The following TESC variants were observed in gnomAD, a reference collection of about 807,000 sequenced individuals.
TESC encodes the protein calcineurin B homologous protein 3.
Under a neutral mutation model 31.0 loss-of-function variants are expected in TESC, and 19 were observed. The observed-to-expected ratio is 0.61, with a 90% CI of 0.43 to 0.90. The LOEUF is 0.90. Among genes scored for constraint, TESC ranks in the 40% least tolerant of loss-of-function variants. The pLI is 0.00. For synonymous variants in TESC, 109 were observed against 114.8 expected, an observed-to-expected ratio of 0.95 and a Z score of 0.32; for missense variants, 248 against 303.8, an observed-to-expected ratio of 0.82 and a Z score of 1.36.
At chr12:117,041,335 G>C (rs568228135) in intron 7 of TESC, among the ~76,000 whole-genome samples, 43 of 152,186 alleles carry the variant, frequency 2.8e-4, no homozygotes, top group African/African-American at 9.4e-4. Flanking sequence ...AACTACAACA[G>C]GGCCTTTTTT....
At chr12:117,098,873 G>A (rs1416216933) in intron 1 of TESC, among the ~76,000 whole-genome samples, 1 of 152,160 alleles carries the variant, frequency 6.6e-6, no homozygotes, top group Non-Finnish European at 1.5e-5. Flanking sequence ...CAGGTGTGGG[G>A]CGCGCGCGCC....
intron 1 of TESC, among the ~76,000 whole-genome samples, chr12:117,076,878 A>AT (rs1297579881): frequency 6.6e-6 from 1 of 152,204 alleles, no homozygotes; most frequent in Non-Finnish European, 1.5e-5. Context: ...AAGAAGTAAT[A>AT]TCGCCTGTCT....
chr12:117,068,676 T>TC (rs1954920044), intron 2 of TESC, among the ~76,000 whole-genome samples: 1 of 152,174 alleles, frequency 6.6e-6, no homozygotes, highest in African/African-American at 2.4e-5. Flanking sequence ...CCCTTTTTTT[T>TC]CTCTTCCCTG....
chr12:117,065,079 A>G (rs1954856835), intron 2 of TESC, among the ~76,000 whole-genome samples: 1 of 152,206 alleles, frequency 6.6e-6, no homozygotes, highest in Admixed American at 6.5e-5. Flanking sequence ...CAGGGGCCAG[A>G]AGGACACTGA....
chr12:117,097,609 T>C (rs971317757), intron 1 of TESC, among the ~76,000 whole-genome samples: 2 of 152,188 alleles, frequency 1.3e-5, no homozygotes, highest in Non-Finnish European at 2.9e-5. Context: ...GAATCCCTCC[T>C]TTCTCTCTCA....
intron 1 of TESC, among the ~76,000 whole-genome samples, chr12:117,081,355 T>C (rs770485454): frequency 6.6e-6 from 1 of 152,216 alleles, no homozygotes; most frequent in Non-Finnish European, 1.5e-5. Flanking sequence ...CTATTAAAAT[T>C]CATCTCACCA....
Position 117,078,812 on chromosome 12 carries a change from A to G in TESC, c.59-3472T>C, listed in dbSNP as rs183402287. ...ACTGTTTTGCTTTTGGTTCATCTAT[A>G]TTTTCCCATTTTTCTCTAATGTACA... is the stretch of plus-strand genomic sequence containing the variant. On this transcript the variant is annotated intron_variant, in intron 1 of 7. Transcript: ENST00000335209. 2.0e-5 allele frequency among the ~76,000 whole-genome samples: 3 copies of G among 152,210 alleles called. No individual in the cohort carries two copies. The East Asian group carries it at 5.8e-4, about 29-fold the overall frequency.
intron 1 of TESC, among the ~76,000 whole-genome samples, chr12:117,080,774 C>G (rs1474599378): frequency 6.6e-6 from 1 of 152,220 alleles, no homozygotes; most frequent in Non-Finnish European, 1.5e-5. Context: ...TCCCTGCCCC[C>G]ACACCCGGGC....
chr12:117,092,384 G>A (rs562208753), intron 1 of TESC, among the ~76,000 whole-genome samples: 5 of 152,368 alleles, frequency 3.3e-5, no homozygotes, highest in Admixed American at 2.6e-4. Context: ...ACCAGCATGG[G>A]CTAGAGCAGG....
intron 1 of TESC, among the ~76,000 whole-genome samples, chr12:117,077,303 C>A (rs1955087279): frequency 6.6e-6 from 1 of 152,176 alleles, no homozygotes; most frequent in South Asian, 2.1e-4. Flanking sequence ...ACACTTGGAA[C>A]GGTTAGGTGA....
chr12:117,090,604 C>G (rs1382807471), intron 1 of TESC, among the ~76,000 whole-genome samples: 3 of 152,152 alleles, frequency 2.0e-5, no homozygotes, highest in Admixed American at 6.5e-5. Context: ...CTCAGGGAGG[C>G]AAAGTGCTTT....
chr12:117,071,026 G>A (rs527778652), intron 2 of TESC, among the ~76,000 whole-genome samples: 7 of 152,262 alleles, frequency 4.6e-5, no homozygotes, highest in Admixed American at 2.6e-4. Flanking sequence ...CATAAAACAC[G>A]TTCAAATAAT....
intron 3 of TESC, among the ~76,000 whole-genome samples, chr12:117,052,132 G>C (rs560282756): frequency 4.9e-4 from 74 of 152,070 alleles, no homozygotes; most frequent in Non-Finnish European, 6.3e-4. Flanking sequence ...CAGAAAACAG[G>C]GGCTACATCT....
chr12:117,048,918 G>A, intron 4 of TESC, 101 bp downstream of exon 4: 1 of 1,572,756 alleles, frequency 6.4e-7, no homozygotes, highest in South Asian at 1.2e-5. Context: ...CCAAGCCAAT[G>A]CACACCCAGC....
intron 2 of TESC, among the ~76,000 whole-genome samples, chr12:117,074,502 C>T (rs2135783776): frequency 6.6e-6 from 1 of 152,244 alleles, no homozygotes; most frequent in Non-Finnish European, 1.5e-5. Context: ...TTTTCCTTAA[C>T]AGAAATTTGA....
chr12:117,060,907 C>A (rs978447257), intron 2 of TESC, among the ~76,000 whole-genome samples: 3 of 152,224 alleles, frequency 2.0e-5, no homozygotes, highest in Non-Finnish European at 4.4e-5. Flanking sequence ...GCTAGCCAAA[C>A]CCTCTCTGGC....
In TESC at chr12:117,044,790, G is replaced by A. The variant is rs140007351; in HGVS notation, c.519+1769C>T. 8.5e-4 allele frequency among the ~76,000 whole-genome samples: 129 copies of A among 152,270 alleles called. 3 individuals carry two copies. The East Asian group carries it at 0.023, about 27-fold the overall frequency. On this transcript the variant is annotated intron_variant, in intron 6 of 7. Transcript: ENST00000335209. ...CACACGCCTGTAATTCCAGCTACTC[G>A]GGAGGCTGAGGCAGGAGAATCACTT...
Position 117,097,233 on chromosome 12 carries a change from G to C in TESC, c.58+1992C>G, listed in dbSNP as rs528582870. 1.5e-3 allele frequency among the ~76,000 whole-genome samples: 223 copies of C among 152,264 alleles called. 1 individual carries two copies. Among genetic ancestry groups the C allele is most frequent in the African/African-American group, 5.1e-3 (213 of 41,546 alleles). The stretch of plus-strand genomic sequence containing the variant: ...AGTCTAACCTCAGAACCTCCTCTCC[G>C]ACCCTCTCCATCTCCCTTGGGTTAT... On this transcript the variant is annotated intron_variant, in intron 1 of 7. Coordinates refer to ENST00000335209, the MANE Select transcript of TESC (RefSeq NM_017899.4).
intron 6 of TESC, among the ~76,000 whole-genome samples, chr12:117,044,027 T>C (rs758164141): frequency 6.6e-6 from 1 of 151,988 alleles, no homozygotes; most frequent in Non-Finnish European, 1.5e-5. Flanking sequence ...AGGAGGACTG[T>C]TGGAGGCCAG....
Sources: gnomAD v4.1 joint callset for allele counts (sites outside exome capture counted in the v4.1 genomes callset) on GRCh38, gnomAD v4.1.1 for gene constraint, MANE v1.5 for transcripts, NCBI Gene and HGNC (gene_info 2026-07-23, HGNC 2026-07-21) for gene names.